The following BMERB1 variants were observed in gnomAD, a reference collection of about 807,000 sequenced individuals.
The protein encoded by BMERB1 is bMERB domain-containing protein 1.
A neutral mutation model predicts 23.6 loss-of-function variants in BMERB1; 12 were observed. That is an observed-to-expected ratio of 0.51 (90% CI 0.33 to 0.82). BMERB1 has a LOEUF of 0.82. BMERB1 is among the 40% of genes least tolerant of loss of function. BMERB1 has a pLI of 0.03. For synonymous variants in BMERB1, 122 were observed against 96.6 expected, an observed-to-expected ratio of 1.26 and a Z score of -1.54; for missense variants, 247 against 255.4, an observed-to-expected ratio of 0.97 and a Z score of 0.22.
At chr16:15,555,900 C>T (rs2030240407) in intron 2 of BMERB1, among the ~76,000 whole-genome samples, 1 of 152,196 alleles carries the variant, frequency 6.6e-6, no homozygotes, top group African/African-American at 2.4e-5. Flanking sequence ...CACATGCTGG[C>T]CAGGCGCGGT....
chr16:15,496,008 G>A lies in BMERB1; in HGVS notation c.107-19297G>A, dbSNP rs556642499. Among the ~76,000 whole-genome samples the A allele has an allele frequency of 4.8e-5, 7 of 145,026 alleles. No homozygotes were observed. The East Asian group carries it at 7.7e-4, about 16-fold the overall frequency. On this transcript the variant is annotated intron_variant, in intron 1 of 5. Coordinates refer to ENST00000300006, the MANE Select transcript of BMERB1 (RefSeq NM_033201.3). ...TAGTGATGTTGATGGTGGTGGTGGTGGTGATAGTGGTGATGGTGATGATGA... is the reference window on the plus strand; with the variant it reads ...TAGTGATGTTGATGGTGGTGGTGGTAGTGATAGTGGTGATGGTGATGATGA...
At chr16:15,502,687 G>A (rs1336257903) in intron 1 of BMERB1, among the ~76,000 whole-genome samples, 1 of 152,148 alleles carries the variant, frequency 6.6e-6, no homozygotes, top group Non-Finnish European at 1.5e-5. Context: ...CCCTGGTCAT[G>A]GGGCGCAGAT....
intron 1 of BMERB1, among the ~76,000 whole-genome samples, chr16:15,469,174 C>T (rs993695278): frequency 7.2e-5 from 11 of 151,840 alleles, no homozygotes; most frequent in African/African-American, 2.4e-4. Flanking sequence ...CCATGCTGGC[C>T]GGGCTGGTCT....
At chr16:15,545,478 G>T (rs771176397) in intron 2 of BMERB1, among the ~76,000 whole-genome samples, 41 of 152,134 alleles carry the variant, frequency 2.7e-4, no homozygotes, top group Non-Finnish European at 5.4e-4. Context: ...GCTTCTTTTG[G>T]TTAGGGTTGT....
At chr16:15,584,342 A>G (rs558908353) in intron 5 of BMERB1, among the ~76,000 whole-genome samples, 36 of 152,040 alleles carry the variant, frequency 2.4e-4, no homozygotes, top group Admixed American at 3.9e-4. Context: ...GGCGGATCAC[A>G]GGTCAGGAGA....
intron 1 of BMERB1, among the ~76,000 whole-genome samples, chr16:15,510,662 C>T (rs754659302): frequency 1.4e-4 from 22 of 151,976 alleles, no homozygotes; most frequent in Non-Finnish European, 2.1e-4. Context: ...GGCTGGTCTT[C>T]TAGCTTGGTA....
chr16:15,514,354 G>A (rs1391148115), intron 1 of BMERB1, among the ~76,000 whole-genome samples: 1 of 152,092 alleles, frequency 6.6e-6, no homozygotes, highest in Admixed American at 6.6e-5. Context: ...GCCTAGAGTC[G>A]GCTGGTCTTA....
At chr16:15,549,002 T>G (rs904573179) in intron 2 of BMERB1, among the ~76,000 whole-genome samples, 3 of 152,052 alleles carry the variant, frequency 2.0e-5, no homozygotes, top group African/African-American at 7.2e-5. Context: ...GCAGATTGTG[T>G]TCTTAAGAGT....
intron 1 of BMERB1, among the ~76,000 whole-genome samples, chr16:15,490,684 G>A (rs1243112621): frequency 1.3e-5 from 2 of 152,144 alleles, no homozygotes; most frequent in African/African-American, 4.8e-5. Context: ...TCAAACACCT[G>A]GTCATTCAGC....
chr16:15,533,497 C>T (rs1264880715), intron 2 of BMERB1, among the ~76,000 whole-genome samples: 2 of 151,498 alleles, frequency 1.3e-5, no homozygotes, highest in East Asian at 3.9e-4. Context: ...CAGGTTCAAA[C>T]AATCCTCCTG....
At chr16:15,482,086 C>CA (rs1241418170) in intron 1 of BMERB1, among the ~76,000 whole-genome samples, 1 of 152,016 alleles carries the variant, frequency 6.6e-6, no homozygotes, top group Non-Finnish European at 1.5e-5. Context: ...CTGTGAAAGA[C>CA]AGAGATGTTT....
intron 2 of BMERB1, among the ~76,000 whole-genome samples, chr16:15,522,322 T>A (rs2051862997): frequency 6.6e-6 from 1 of 152,082 alleles, no homozygotes; most frequent in Non-Finnish European, 1.5e-5. Context: ...GGGCTTGAAA[T>A]CCAGTAACTT....
intron 2 of BMERB1, among the ~76,000 whole-genome samples, chr16:15,517,379 C>T (rs187527556): frequency 2.5e-4 from 38 of 152,222 alleles, no homozygotes; most frequent in South Asian, 8.3e-4. Context: ...CGTGTGGTGG[C>T]GTGCGCCTAT....
At chr16:15,442,076 A>G (rs1179863883) in intron 1 of BMERB1, among the ~76,000 whole-genome samples, 1 of 152,178 alleles carries the variant, frequency 6.6e-6, no homozygotes, top group Non-Finnish European at 1.5e-5. Flanking sequence ...GAAGCCTGTA[A>G]TCCCAGCACT....
intron 3 of BMERB1, among the ~76,000 whole-genome samples, chr16:15,575,488 G>A (rs2030835273): frequency 6.6e-6 from 1 of 152,178 alleles, no homozygotes; most frequent in Non-Finnish European, 1.5e-5. Flanking sequence ...TGCTTGGGGT[G>A]GGGGTCTCCC....
At chr16:15,539,293 G>A (rs896959765) in intron 2 of BMERB1, among the ~76,000 whole-genome samples, 7 of 152,034 alleles carry the variant, frequency 4.6e-5, no homozygotes, top group Admixed American at 3.9e-4. Flanking sequence ...TAATGCAGCC[G>A]CTGATCTGAC....
intron 1 of BMERB1, among the ~76,000 whole-genome samples, chr16:15,438,727 C>G (rs1286382774): frequency 6.6e-6 from 1 of 152,128 alleles, no homozygotes. Context: ...CCCAAAGGGC[C>G]GTGATTACAG....
chr16:15,547,978 A>G (rs564267349), intron 2 of BMERB1, among the ~76,000 whole-genome samples: 6 of 152,234 alleles, frequency 3.9e-5, no homozygotes, highest in Non-Finnish European at 7.4e-5. Flanking sequence ...TTCTTAGTGT[A>G]TAAAGCACTT....
intron 1 of BMERB1, among the ~76,000 whole-genome samples, chr16:15,439,152 A>G (rs2050915148): frequency 6.6e-6 from 1 of 152,204 alleles, no homozygotes. Context: ...TTTTAGATAA[A>G]AGATATGTAA....
Sources: gnomAD v4.1 joint callset for allele counts (sites outside exome capture counted in the v4.1 genomes callset) on GRCh38, gnomAD v4.1.1 for gene constraint, MANE v1.5 for transcripts, NCBI Gene and HGNC (gene_info 2026-07-23, HGNC 2026-07-21) for gene names.